Variants in CTIF observed in about 807,000 individuals in gnomAD.
CTIF encodes cap binding complex dependent translation initiation factor.
A neutral mutation model predicts 66.0 loss-of-function variants in CTIF; 21 were observed. That is an observed-to-expected ratio of 0.32 (90% confidence interval 0.23 to 0.46). The LOEUF (loss-of-function observed/expected upper bound fraction) is 0.46, where lower values mean the gene tolerates loss of function less well. CTIF is among the 20% of genes least tolerant of loss of function. The pLI, the probability that CTIF is intolerant of heterozygous loss-of-function variation, is 1.00. For synonymous variants in CTIF, 345 were observed against 326.4 expected, an observed-to-expected ratio of 1.06 and a Z score of -0.62; for missense variants, 739 against 812.7, an observed-to-expected ratio of 0.91 and a Z score of 1.10.
intron 6 of CTIF, among the ~76,000 whole-genome samples, chr18:48,706,804 T>C (rs898531600): frequency 1.3e-5 from 2 of 152,226 alleles, no homozygotes; most frequent in African/African-American, 4.8e-5. Context: ...CCACGTGTAC[T>C]CTGCCGGCGC....
chr18:48,724,470 G>A (rs2092368696), intron 7 of CTIF, among the ~76,000 whole-genome samples: 1 of 152,044 alleles, frequency 6.6e-6, no homozygotes, highest in Admixed American at 6.5e-5. Flanking sequence ...TCCCAACACT[G>A]ACCAGCCCCT....
intron 7 of CTIF, among the ~76,000 whole-genome samples, chr18:48,736,362 A>G (rs1176378877): frequency 6.6e-6 from 1 of 152,106 alleles, no homozygotes; most frequent in East Asian, 1.9e-4. Context: ...AGATACCACC[A>G]TGTCTCTGGG....
chr18:48,616,018 G>A (rs1236650620), intron 1 of CTIF, among the ~76,000 whole-genome samples: 2 of 152,202 alleles, frequency 1.3e-5, no homozygotes, highest in African/African-American at 4.8e-5. Context: ...TCCCTCATGG[G>A]ACCCTGACAC....
At chr18:48,818,492 C>T (rs1308934646) in intron 10 of CTIF, among the ~76,000 whole-genome samples, 4 of 152,120 alleles carry the variant, frequency 2.6e-5, no homozygotes, top group East Asian at 1.9e-4. Context: ...TGTTAGCTGT[C>T]CCTAGGGAAC....
intron 10 of CTIF, among the ~76,000 whole-genome samples, chr18:48,820,891 A>G (rs575793157): frequency 6.6e-6 from 1 of 152,310 alleles, no homozygotes; most frequent in South Asian, 2.1e-4. Context: ...TTGTGCTCAC[A>G]GAGGCCCCCT....
At chr18:48,650,639 C>A (rs1210980163) in intron 3 of CTIF, among the ~76,000 whole-genome samples, 1 of 152,136 alleles carries the variant, frequency 6.6e-6, no homozygotes, top group Non-Finnish European at 1.5e-5. Flanking sequence ...TAAAGATACT[C>A]CTTGAGAAGA....
At chr18:48,844,886 G>A (rs1338051291) in intron 10 of CTIF, among the ~76,000 whole-genome samples, 2 of 152,172 alleles carry the variant, frequency 1.3e-5, no homozygotes, top group Non-Finnish European at 2.9e-5. Flanking sequence ...CCACTTCAGA[G>A]GGCGACACTA....
chr18:48,810,044 G>A (rs562060727), intron 9 of CTIF, among the ~76,000 whole-genome samples: 1 of 152,030 alleles, frequency 6.6e-6, no homozygotes, highest in African/African-American at 2.4e-5. Context: ...ACATTGTCTG[G>A]TAGAAGTATA....
At chr18:48,809,069 T>C (rs1369770573) in intron 9 of CTIF, among the ~76,000 whole-genome samples, 1 of 152,228 alleles carries the variant, frequency 6.6e-6, no homozygotes. Flanking sequence ...CTTTCAGTTT[T>C]GTTAGGCAAT....
At chr18:48,847,807 G>A (rs2069113490) in intron 10 of CTIF, among the ~76,000 whole-genome samples, 1 of 152,190 alleles carries the variant, frequency 6.6e-6, no homozygotes, top group Non-Finnish European at 1.5e-5. Flanking sequence ...GTCTTAGTGT[G>A]TAGCAGGTCT....
chr18:48,769,734 C>G (rs1909922201), intron 9 of CTIF, among the ~76,000 whole-genome samples: 1 of 152,250 alleles, frequency 6.6e-6, no homozygotes, highest in Non-Finnish European at 1.5e-5. Context: ...CGTTGCCAAT[C>G]TTGTTGTCTG....
At chr18:48,835,018 G>T (rs372292222) in intron 10 of CTIF, among the ~76,000 whole-genome samples, 1 of 152,240 alleles carries the variant, frequency 6.6e-6, no homozygotes, top group African/African-American at 2.4e-5. Context: ...AGGGAAAAAG[G>T]AAAGAACCAA....
At chr18:48,788,322 G>T (rs767440057) in intron 9 of CTIF, among the ~76,000 whole-genome samples, 3 of 152,158 alleles carry the variant, frequency 2.0e-5, no homozygotes, top group Non-Finnish European at 2.9e-5. Flanking sequence ...CACAATTGGG[G>T]TGCCCCAAGG....
chr18:48,685,276 G>A (rs1018528276), intron 6 of CTIF, among the ~76,000 whole-genome samples: 2 of 151,948 alleles, frequency 1.3e-5, no homozygotes, highest in African/African-American at 4.8e-5. Flanking sequence ...AGGCTGGAGT[G>A]CAATGGTGCG....
At chr18:48,834,953 G>A (rs535085368) in intron 10 of CTIF, among the ~76,000 whole-genome samples, 30 of 152,284 alleles carry the variant, frequency 2.0e-4, no homozygotes, top group African/African-American at 6.0e-4. Flanking sequence ...TCCAACCTGC[G>A]CTTTAGAGGA....
At chr18:48,596,234 C>G (rs1392877695) in intron 1 of CTIF, among the ~76,000 whole-genome samples, 1 of 152,202 alleles carries the variant, frequency 6.6e-6, no homozygotes, top group African/African-American at 2.4e-5. Context: ...TTTCTTACGT[C>G]TACAGGCAGG....
At chr18:48,645,942 C>T (rs1197534741) in intron 3 of CTIF, among the ~76,000 whole-genome samples, 1 of 152,168 alleles carries the variant, frequency 6.6e-6, no homozygotes, top group African/African-American at 2.4e-5. Context: ...CGAGTTAAAG[C>T]AGGAGGTTTA....
chr18:48,621,319 T>A (rs2090489613), intron 2 of CTIF: 1 of 159,454 alleles, frequency 6.3e-6, no homozygotes, highest in South Asian at 1.6e-4. Context: ...GATATCCGGA[T>A]AGGAACATCT....
chr18:48,635,889 C>T (rs1174467855), intron 2 of CTIF, among the ~76,000 whole-genome samples: 2 of 152,194 alleles, frequency 1.3e-5, no homozygotes, highest in Admixed American at 6.5e-5. Context: ...CCTGAGAGAT[C>T]ACATGGATTT....
Sources: gnomAD v4.1 joint callset for allele counts (sites outside exome capture counted in the v4.1 genomes callset) on GRCh38, gnomAD v4.1.1 for gene constraint, MANE v1.5 for transcripts, NCBI Gene and HGNC (gene_info 2026-07-23, HGNC 2026-07-21) for gene names.